The following CTNNA3 variants were observed in gnomAD, a reference collection of about 807,000 sequenced individuals.
The protein encoded by CTNNA3 is catenin alpha 3.
In CTNNA3, 76 loss-of-function variants were observed where a neutral mutation model predicts 95.7. The ratio of observed to expected loss-of-function variants is 0.79; its 90% CI spans 0.66 to 0.96. CTNNA3 has a LOEUF of 0.96. Among genes scored for constraint, CTNNA3 ranks in the 40% least tolerant of loss-of-function variants. CTNNA3 has a pLI of 0.00. For missense variants in CTNNA3, 1,191 were observed against 1,089.8 expected, an observed-to-expected ratio of 1.09 and a Z score of -1.31; for synonymous variants, 431 against 374.4, an observed-to-expected ratio of 1.15 and a Z score of -1.74.
chr10:67,175,984 T>A (rs1287554825), intron 7 of CTNNA3, among the ~76,000 whole-genome samples: 2 of 152,174 alleles, frequency 1.3e-5, no homozygotes, highest in African/African-American at 4.8e-5. Flanking sequence ...GAAGATGAAC[T>A]AGGTCTAACC....
intron 12 of CTNNA3, among the ~76,000 whole-genome samples, chr10:66,371,237 T>C (rs980705703): frequency 5.9e-5 from 9 of 152,134 alleles, no homozygotes; most frequent in East Asian, 1.9e-4. Flanking sequence ...AACCTCAGTA[T>C]ATCACTGAAG....
At position 67,315,471 on chromosome 10, in the gene CTNNA3, A is replaced by G. The variant is rs371884774; in HGVS notation, c.580-95601T>C. ...TTATATTCAGCAAAGTTGTCCTTTA[A>G]CTATAAACTAAACTGATAGGCCATC... On this transcript the variant is annotated intron_variant, in intron 5 of 17. Transcript: ENST00000433211. 1.4e-3 allele frequency among the ~76,000 whole-genome samples: 218 copies of G among 152,268 alleles called. 2 individuals carry two copies. The highest frequency in any genetic ancestry group is 2.5e-3 in the Non-Finnish European group (168 of 68,006).
chr10:67,296,481 T>C (rs1840034216), intron 5 of CTNNA3, among the ~76,000 whole-genome samples: 1 of 152,214 alleles, frequency 6.6e-6, no homozygotes, highest in Non-Finnish European at 1.5e-5. Context: ...AGTCCAAAAA[T>C]GGCAGCGATT....
In CTNNA3 at chr10:67,493,541, G is replaced by A. The variant is rs555792952; in HGVS notation, c.579+28301C>T. ...CGCACCACTGCACTCCAGGCTGGGT[G>A]ACAGAGCGAGACTCTGTCTCAAAAA... On this transcript the variant is annotated intron_variant, in intron 5 of 17. Coordinates refer to ENST00000433211, the MANE Select transcript of CTNNA3 (RefSeq NM_013266.4). 1.3e-4 allele frequency among the ~76,000 whole-genome samples: 19 copies of A among 144,252 alleles called. No individual in the cohort carries two copies. The South Asian group carries it at 4.1e-3, about 31-fold the overall frequency. The allele number at this position is 144,252 out of a possible 152,430, so 94.6% of individuals were successfully genotyped here. A position where few individuals can be genotyped will look rare whatever the true frequency, so the allele number is the denominator to read the frequency against.
chr10:66,443,592 A>C (rs1008457331), intron 11 of CTNNA3, among the ~76,000 whole-genome samples: 4 of 152,186 alleles, frequency 2.6e-5, no homozygotes, highest in African/African-American at 9.7e-5. Context: ...AGCAAACTCC[A>C]ACAAACCTGC....
At chr10:66,787,802 A>G (rs1720329616) in intron 7 of CTNNA3, among the ~76,000 whole-genome samples, 1 of 152,246 alleles carries the variant, frequency 6.6e-6, no homozygotes, top group Admixed American at 6.5e-5. Context: ...GCAAAAATGC[A>G]GATTTAGTGA....
intron 17 of CTNNA3, among the ~76,000 whole-genome samples, chr10:65,929,584 T>C (rs112363901): frequency 6.6e-6 from 1 of 151,828 alleles, no homozygotes; most frequent in Non-Finnish European, 1.5e-5. Context: ...TTTTTTTTTT[T>C]TGGAGACAGA....
intron 17 of CTNNA3, among the ~76,000 whole-genome samples, chr10:65,966,362 T>G (rs2077965671): frequency 6.6e-6 from 1 of 152,194 alleles, no homozygotes; most frequent in Admixed American, 6.5e-5. Flanking sequence ...TCTTATCCAA[T>G]TGGCTTATAA....
chr10:66,621,635 A>G (rs1252987274), intron 10 of CTNNA3, 57 bp downstream of exon 10: 4 of 1,043,814 alleles, frequency 3.8e-6, no homozygotes, highest in Non-Finnish European at 5.7e-6. Flanking sequence ...TCATATGCAT[A>G]AAAGCATTAG....
chr10:67,382,586 G>C (rs901357128), intron 5 of CTNNA3, among the ~76,000 whole-genome samples: 1 of 152,020 alleles, frequency 6.6e-6, no homozygotes, highest in Non-Finnish European at 1.5e-5. Flanking sequence ...GCTATAAGTG[G>C]ACCCATCTGT....
chr10:67,501,203 A>G (rs1237861423), intron 5 of CTNNA3, among the ~76,000 whole-genome samples: 1 of 152,102 alleles, frequency 6.6e-6, no homozygotes, highest in East Asian at 1.9e-4. Context: ...AAAGGATTTT[A>G]TTTCTCCTTC....
rs1248389240 is a variant in CTNNA3, at chr10:67,726,147, A to G, written c.-2+37287T>C. On this transcript the variant is annotated intron_variant, in intron 1 of 17. Coordinates refer to the CTNNA3 transcript ENST00000684154. Reference sequence around the variant, plus strand: ...TATTAGATAATATATATTATATTATATATTATAATATATAATCTTATATAA... The same window carrying G: ...TATTAGATAATATATATTATATTATGTATTATAATATATAATCTTATATAA... Among the ~76,000 whole-genome samples the G allele has an allele frequency of 3.7e-5, 4 of 106,850 alleles. No individual in the cohort carries two copies. The East Asian group carries it at 7.8e-4, about 21-fold the overall frequency. The allele number at this position is 106,850 out of a possible 152,430, so 70.1% of individuals were successfully genotyped here.
At chr10:67,568,276 A>T (rs2133282573) in intron 3 of CTNNA3, among the ~76,000 whole-genome samples, 1 of 151,180 alleles carries the variant, frequency 6.6e-6, no homozygotes, top group South Asian at 2.1e-4. Context: ...GCTTACCACC[A>T]TCCATATTAG....
intron 7 of CTNNA3, among the ~76,000 whole-genome samples, chr10:67,000,254 T>C (rs142164993): frequency 2.2e-4 from 34 of 152,246 alleles, no homozygotes; most frequent in African/African-American, 7.2e-4. Flanking sequence ...GTAAAACCAT[T>C]TGGAATAGAT....
chr10:67,389,599 A>C (rs981111081), intron 5 of CTNNA3, among the ~76,000 whole-genome samples: 1 of 149,380 alleles, frequency 6.7e-6, no homozygotes, highest in African/African-American at 2.5e-5. Flanking sequence ...AAATCAACAG[A>C]ATATACATTT....
At chr10:66,059,224 T>C (rs1202899822) in intron 15 of CTNNA3, among the ~76,000 whole-genome samples, 3 of 152,138 alleles carry the variant, frequency 2.0e-5, no homozygotes, top group Non-Finnish European at 2.9e-5. Flanking sequence ...GGCTGACAAA[T>C]AACCCGTTTT....
chr10:67,123,549 T>C lies in CTNNA3; in HGVS notation c.1047+56768A>G, dbSNP rs949146484. The stretch of plus-strand genomic sequence containing the variant: ...ACAGCCACAACAAAATGCTGCCAGA[T>C]ATCTGAACACATTTTCTTTAACCCA... On this transcript the variant is annotated intron_variant, in intron 7 of 17. Transcript: ENST00000433211. Among the ~76,000 whole-genome samples, 4 of 152,268 alleles carry C rather than the reference T, an allele frequency of 2.6e-5. No homozygotes were observed. In the South Asian group the frequency reaches 6.2e-4, roughly 24 times the overall value.
chr10:66,918,820 A>G (rs1157448877), intron 7 of CTNNA3, among the ~76,000 whole-genome samples: 1 of 150,634 alleles, frequency 6.6e-6, no homozygotes, highest in Non-Finnish European at 1.5e-5. Flanking sequence ...ATAGATAAAT[A>G]GAGAGAGAGA....
chr10:66,593,783 T>A (rs1451013823), intron 10 of CTNNA3, among the ~76,000 whole-genome samples: 1 of 152,164 alleles, frequency 6.6e-6, no homozygotes, highest in Admixed American at 6.5e-5. Context: ...TTCCTTAGTG[T>A]TCCACTATCC....
Sources: gnomAD v4.1 joint callset for allele counts (sites outside exome capture counted in the v4.1 genomes callset) on GRCh38, gnomAD v4.1.1 for gene constraint, MANE v1.5 for transcripts, NCBI Gene and HGNC (gene_info 2026-07-23, HGNC 2026-07-21) for gene names.